FREM1: variants seen among roughly 807,000 people sequenced by gnomAD.
FREM1 encodes FRAS1 related extracellular matrix 1, also known as FRAS1-related extracellular matrix protein 1.
FREM1 carries 220 observed loss-of-function variants against 210.1 expected under a neutral mutation model. The ratio of observed to expected loss-of-function variants is 1.05; its 90% CI spans 0.94 to 1.17. The LOEUF (loss-of-function observed/expected upper bound fraction) is 1.17. Ranked by LOEUF, FREM1 falls within the 50% of genes most tolerant of loss-of-function variation. The pLI, the probability that FREM1 is intolerant of heterozygous loss-of-function variation, is 0.00. For missense variants in FREM1, 3,454 were observed against 2,675.5 expected (o/e 1.29, Z -6.42); for synonymous variants, 1,189 against 980.2 (o/e 1.21, Z -3.98).
rs967551089 is a variant in FREM1, at chr9:14,784,300, CA to C, written c.4442+69del. Reference sequence around the variant, plus strand: ...GTGAAATGGTTACTATAGTGAAGCACATTAACAGATCTCCTTTTCTGTAAGT... The same window carrying C: ...GTGAAATGGTTACTATAGTGAAGCACTTAACAGATCTCCTTTTCTGTAAGT... On this transcript the variant is annotated intron_variant, in intron 24 of 36. Transcript: ENST00000380880. 7.0e-6 allele frequency: 10 copies of C among 1,426,314 alleles called. No homozygotes were observed. In the African/African-American group the frequency reaches 1.3e-4, roughly 18 times the overall value. The allele number at this position is 1,426,314 out of a possible 1,614,324, so 88.4% of individuals were successfully genotyped here.
At chr9:14,884,512 A>G (rs1835421001) in intron 1 of FREM1, among the ~76,000 whole-genome samples, 1 of 152,268 alleles carries the variant, frequency 6.6e-6, no homozygotes, top group African/African-American at 2.4e-5. Context: ...ATGAAAATTC[A>G]TAAAGATTTC....
chr9:14,849,177 T>C (rs1350768818), intron 6 of FREM1, among the ~76,000 whole-genome samples: 1 of 152,150 alleles, frequency 6.6e-6, no homozygotes, highest in Non-Finnish European at 1.5e-5. Context: ...GGAGGCATTT[T>C]TAATTTCAGA....
intron 3 of FREM1, among the ~76,000 whole-genome samples, chr9:14,863,340 C>CA (rs547934749): frequency 0.058 from 5,180 of 89,608 alleles, 200 homozygotes; most frequent in African/African-American, 0.12. Flanking sequence ...GACTCCGTCT[C>CA]AAAAAAAAAA....
intron 16 of FREM1, 21 bp from the exon 17 acceptor site, chr9:14,808,155 TG>T (rs1173451677): frequency 6.6e-7 from 1 of 1,506,208 alleles, no homozygotes; most frequent in East Asian, 2.3e-5. Flanking sequence ...CAACTATAGC[TG>T]AAACCTGCCT....
intron 28 of FREM1, among the ~76,000 whole-genome samples, chr9:14,759,489 G>A (rs372896366): frequency 5.0e-5 from 2 of 39,642 alleles, no homozygotes; most frequent in Admixed American, 3.0e-4. Context: ...CAGCCTGGGC[G>A]ACAAGAGCGA....
chr9:14,747,282 G>C lies in FREM1; in HGVS notation c.5991C>G (p.Asp1997Glu), dbSNP rs780797923. 3.1e-6 allele frequency: 5 copies of C among 1,612,722 alleles called. No individual in the cohort carries two copies. In the South Asian group the frequency reaches 4.4e-5, roughly 14 times the overall value. Reference protein sequence around the residue: ...PQADKVESTTDSHFPRQDQLP... With the variant: ...PQADKVESTTESHFPRQDQLP... ...TTCATACCTGTCTGGGGAAGTGTGA[G>C]TCAGTTGTGGATTCCACCTTATCTG... Residue 1997 changes from aspartate (D) to glutamate (E), a missense_variant, in exon 33 of 37, where the codon GAC (aspartate) becomes GAG (glutamate). Transcript: ENST00000380880.
At chr9:14,810,006 C>T (rs1343161579) in intron 16 of FREM1, among the ~76,000 whole-genome samples, 2 of 152,000 alleles carry the variant, frequency 1.3e-5, no homozygotes, top group Admixed American at 1.3e-4. Flanking sequence ...GTGCAAGGTG[C>T]TGAGGGTGAA....
At chr9:14,752,058 C>G (rs1843491294) in intron 29 of FREM1, among the ~76,000 whole-genome samples, 1 of 150,530 alleles carries the variant, frequency 6.6e-6, no homozygotes, top group South Asian at 2.1e-4. Flanking sequence ...ATCAATACAT[C>G]AAAATATATA....
intron 27 of FREM1, among the ~76,000 whole-genome samples, chr9:14,764,693 T>G (rs1343201709): frequency 6.6e-6 from 1 of 152,134 alleles, no homozygotes; most frequent in African/African-American, 2.4e-5. Flanking sequence ...CTCAGGAGAC[T>G]CCCCTGTGAC....
At chr9:14,784,154 A>G in intron 24 of FREM1, 1 of 457,224 alleles carries the variant, frequency 2.2e-6, no homozygotes, top group East Asian at 3.2e-5. Flanking sequence ...AGAAAAACAC[A>G]GCTGCACCAG....
chr9:14,826,025 G>A (rs932034313), intron 10 of FREM1, among the ~76,000 whole-genome samples: 27 of 151,836 alleles, frequency 1.8e-4, no homozygotes, highest in African/African-American at 6.0e-4. Context: ...CTCAGAAAGT[G>A]TGGAATTATT....
At chr9:14,778,421 G>C (rs1224142357) in intron 24 of FREM1, among the ~76,000 whole-genome samples, 1 of 150,958 alleles carries the variant, frequency 6.6e-6, no homozygotes, top group African/African-American at 2.4e-5. Flanking sequence ...TATCAGCCTG[G>C]GTAACATGGC....
intron 1 of FREM1, among the ~76,000 whole-genome samples, chr9:14,869,840 ATG>A (rs1409017179): frequency 6.6e-6 from 1 of 152,208 alleles, no homozygotes; most frequent in Admixed American, 6.5e-5. Context: ...GTTTCTGTTT[ATG>A]TGTGAAAGGG....
intron 17 of FREM1, among the ~76,000 whole-genome samples, chr9:14,807,731 T>A (rs10810250): frequency 0.32 from 47,943 of 151,942 alleles, 8,827 homozygotes; most frequent in South Asian, 0.41. Flanking sequence ...CATACAGAAA[T>A]ATTAAAATTT....
chr9:14,873,417 A>G (rs145742392), intron 1 of FREM1, among the ~76,000 whole-genome samples: 1,705 of 152,198 alleles, frequency 0.011, 28 homozygotes, highest in African/African-American at 0.038. Context: ...TGTGTCGAGG[A>G]ATTTATCCAT....
intron 1 of FREM1, among the ~76,000 whole-genome samples, chr9:14,905,002 C>T (rs1347189661): frequency 1.3e-5 from 2 of 152,096 alleles, no homozygotes; most frequent in East Asian, 3.8e-4. Flanking sequence ...CTCAATCTCC[C>T]AAACCAGTTT....
intron 9 of FREM1, 77 bp from the exon 10 acceptor site, chr9:14,841,666 T>G (rs1825718173): frequency 8.6e-7 from 1 of 1,160,068 alleles, no homozygotes; most frequent in Non-Finnish European, 1.2e-6. Context: ...TGGACTTATC[T>G]TCAAAAGTCT....
intron 22 of FREM1, among the ~76,000 whole-genome samples, chr9:14,792,272 G>GCACACACA (rs34037291): frequency 0.019 from 2,658 of 142,198 alleles, 68 homozygotes; most frequent in African/African-American, 0.064. Context: ...ACACACACAC[G>GCACACACA]CACACACACA....
rs201276684 is a variant in FREM1 at position 14,759,947 on chromosome 9, G to A, written c.5205-46C>T. 2.5e-4 allele frequency: 378 copies of A among 1,504,990 alleles called. 1 individual carries two copies. The highest frequency in any genetic ancestry group is 2.6e-4 in the Admixed American group (14 of 53,054). 93.2% of individuals were successfully genotyped at this position (1,504,990 alleles called of 1,614,324 possible). A position where few individuals can be genotyped will look rare whatever the true frequency, so the allele number is the denominator to read the frequency against. On this transcript the variant is annotated intron_variant, in intron 27 of 36. Transcript: ENST00000380880. The stretch of plus-strand genomic sequence containing the variant: ...GAAATCATGAGAATGCATAGTATAT[G>A]CCTATAGGGATTCTCTGCTGAGCGG...
Sources: gnomAD v4.1 joint callset for allele counts (sites outside exome capture counted in the v4.1 genomes callset) on GRCh38, gnomAD v4.1.1 for gene constraint, MANE v1.5 for transcripts, NCBI Gene and HGNC (gene_info 2026-07-23, HGNC 2026-07-21) for gene names.